CEP85: variants seen among roughly 807,000 people sequenced by gnomAD.
CEP85 encodes the protein centrosomal protein of 85 kDa.
CEP85 carries 58 observed loss-of-function variants against 93.7 expected under a neutral mutation model. The ratio of observed to expected loss-of-function variants is 0.62; its 90% CI spans 0.50 to 0.77. The LOEUF (loss-of-function observed/expected upper bound fraction) is 0.77, where lower values mean the gene tolerates loss of function less well. Among genes scored for constraint, CEP85 ranks in the 30% least tolerant of loss-of-function variants. The probability of loss-of-function intolerance (pLI) is 0.00; values close to 1 mark genes in which losing one functional copy is unlikely to be tolerated. For missense variants in CEP85, 868 were observed against 922.0 expected (o/e 0.94, Z 0.76); for synonymous variants, 314 against 338.6 (o/e 0.93, Z 0.80).
chr1:26,252,735 G>A (rs1172616747), intron 3 of CEP85, among the ~76,000 whole-genome samples: 1 of 152,112 alleles, frequency 6.6e-6, no homozygotes, highest in East Asian at 1.9e-4. Context: ...TTTGTTACGT[G>A]TGTGTGTGTT....
chr1:26,243,311 GTCTTGGTTGA>G (rs149847106), intron 2 of CEP85, among the ~76,000 whole-genome samples: 22,340 of 151,834 alleles, frequency 0.15, 1,848 homozygotes, highest in African/African-American at 0.21. Flanking sequence ...AGTGATGGTG[GTCTTGGTTGA>G]GGGTTGCTGC....
intron 1 of CEP85, among the ~76,000 whole-genome samples, chr1:26,237,916 T>C (rs1358838751): frequency 3.3e-5 from 5 of 152,194 alleles, no homozygotes; most frequent in Non-Finnish European, 5.9e-5. Flanking sequence ...TGTCATCATT[T>C]AACTCACTGA....
chr1:26,268,385 G>T, intron 7 of CEP85, 98 bp from the exon 8 acceptor site: 1 of 1,373,588 alleles, frequency 7.3e-7, no homozygotes, highest in Non-Finnish European at 1.0e-6. Flanking sequence ...TTGAGCCTGG[G>T]AGGTGGAGGC....
At chr1:26,249,728 A>G (rs2089573718) in intron 3 of CEP85, among the ~76,000 whole-genome samples, 1 of 152,210 alleles carries the variant, frequency 6.6e-6, no homozygotes, top group Non-Finnish European at 1.5e-5. Flanking sequence ...TTGCTCAAAA[A>G]TGAGTTGTTT....
intron 7 of CEP85, among the ~76,000 whole-genome samples, chr1:26,265,853 G>A (rs1045586187): frequency 2.6e-5 from 4 of 152,052 alleles, no homozygotes; most frequent in Non-Finnish European, 5.9e-5. Flanking sequence ...GGCCAAGGCA[G>A]GAGAATTGCT....
At chr1:26,266,293 G>A (rs2089894571) in intron 7 of CEP85, among the ~76,000 whole-genome samples, 1 of 152,108 alleles carries the variant, frequency 6.6e-6, no homozygotes, top group African/African-American at 2.4e-5. Context: ...AGGCTGAGGT[G>A]GGAGCATCAC....
At chr1:26,254,254 T>C (rs2089662141) in intron 3 of CEP85, among the ~76,000 whole-genome samples, 1 of 152,328 alleles carries the variant, frequency 6.6e-6, no homozygotes, top group Middle Eastern at 3.4e-3. Context: ...GCAATAAGTA[T>C]GTTACCTCAC....
chr1:26,237,478 A>ACTTT (rs1021860006), intron 1 of CEP85, among the ~76,000 whole-genome samples: 37 of 152,030 alleles, frequency 2.4e-4, no homozygotes, highest in African/African-American at 8.0e-4. Context: ...GGCTTCTTTG[A>ACTTT]CTTTGCATGT....
chr1:26,264,449 C>T (rs1449550605), intron 7 of CEP85, among the ~76,000 whole-genome samples: 1 of 152,128 alleles, frequency 6.6e-6, no homozygotes, highest in African/African-American at 2.4e-5. Context: ...AGGAGAATCG[C>T]TTGAACCTGG....
Position 26,255,161 on chromosome 1 carries a change from C to G in CEP85, c.209-10C>G, listed in dbSNP as rs769645420. 1 of 1,609,048 alleles carries G rather than the reference C, an allele frequency of 6.2e-7. No homozygotes were observed. The highest frequency in any genetic ancestry group is 8.5e-7 in the Non-Finnish European group (1 of 1,176,348). Reference sequence around the variant, plus strand: ...CAATTTTTACTTATGGAAGACTATTCTCTCCCCAGATTTTTGCAGCTCAAG... The same window carrying G: ...CAATTTTTACTTATGGAAGACTATTGTCTCCCCAGATTTTTGCAGCTCAAG... On this transcript the variant is annotated splice_polypyrimidine_tract_variant and intron_variant, in intron 3 of 13. Transcript: ENST00000451429.
At chr1:26,266,700 A>T (rs985242149) in intron 7 of CEP85, among the ~76,000 whole-genome samples, 18 of 152,254 alleles carry the variant, frequency 1.2e-4, no homozygotes, top group Admixed American at 8.5e-4. Context: ...GACATTTAGT[A>T]GATCTGCATC....
chr1:26,235,123 A>G (rs2089304889), intron 1 of CEP85, among the ~76,000 whole-genome samples: 1 of 152,220 alleles, frequency 6.6e-6, no homozygotes, highest in African/African-American at 2.4e-5. Context: ...AGTATATTCA[A>G]CGCTTACTTC....
At chr1:26,274,693 G>T (rs932126337) in intron 11 of CEP85, among the ~76,000 whole-genome samples, 6 of 152,252 alleles carry the variant, frequency 3.9e-5, no homozygotes, top group African/African-American at 1.4e-4. Flanking sequence ...TGGCCATGTG[G>T]AGGGTGGAAA....
intron 4 of CEP85, among the ~76,000 whole-genome samples, chr1:26,256,955 G>GTGTGTGTGTGTGTGTGTGT (rs747449589): frequency 1.3e-5 from 2 of 150,234 alleles, no homozygotes; most frequent in Admixed American, 6.6e-5. Flanking sequence ...GTGTGTGTGT[G>GTGTGTGTGTGTGTGTGTGT]TTTTGGAGAC....
At chr1:26,274,133 G>A (rs2090019546) in intron 11 of CEP85, among the ~76,000 whole-genome samples, 1 of 151,926 alleles carries the variant, frequency 6.6e-6, no homozygotes, top group Non-Finnish European at 1.5e-5. Context: ...AGAGGCAGAA[G>A]TTTAAAAGCT....
At chr1:26,269,391 C>T (rs374029156) in intron 8 of CEP85, 69 bp from the exon 9 acceptor site, 157 of 1,491,194 alleles carry the variant, frequency 1.1e-4, no homozygotes, top group Admixed American at 4.3e-4. Flanking sequence ...TTTGTGACAC[C>T]GAGGAACAAG....
In CEP85 at chr1:26,255,399, G is replaced by A. The variant is rs139993986; in HGVS notation, c.437G>A (p.Arg146Lys). 3.2e-5 allele frequency: 52 copies of A among 1,614,014 alleles called. 1 individual carries two copies. The highest frequency in any genetic ancestry group is 4.2e-5 in the Non-Finnish European group (50 of 1,180,034). The change falls in exon 4 of 14, where the codon AGA becomes AAA. Residue 146 changes from arginine to lysine, a missense_variant. Arg to Lys is a conservative substitution (Grantham distance 26). Coordinates refer to ENST00000451429, the MANE Select transcript of CEP85 (RefSeq NM_001319944.2). ...ATGAAACATTCTCCAGGCCTATCTA[G>A]AGATCTCATGTATTTCTCTGGTGCT... ...GAMKHSPGLSRDLMYFSGATG... is the reference protein window; with the variant it reads ...GAMKHSPGLSKDLMYFSGATG...
At chr1:26,253,453 G>A (rs572429082) in intron 3 of CEP85, among the ~76,000 whole-genome samples, 7 of 149,572 alleles carry the variant, frequency 4.7e-5, no homozygotes, top group African/African-American at 7.4e-5. Context: ...GCAGTAGTGC[G>A]ATCCTGGCTC....
Position 26,278,753 on chromosome 1 carries a change from A to G in CEP85, c.*1460A>G, listed in dbSNP as rs1252610722. 8.5e-5 allele frequency: 13 copies of G among 152,654 alleles called. No individual in the cohort carries two copies. In the East Asian group the frequency reaches 2.5e-3, roughly 29 times the overall value. The allele number at this position is 152,654 out of a possible 1,614,324, so 9.5% of individuals were successfully genotyped here. A position where few individuals can be genotyped will look rare whatever the true frequency, so the allele number is the denominator to read the frequency against. ...CCAGTTATTTATATGAATCTTTGTT[A>G]TGTCCATTTGTTTGTATTGCGTATT... On this transcript the variant is annotated 3_prime_UTR_variant, in exon 14 of 14. Transcript: ENST00000451429.
Sources: gnomAD v4.1 joint callset for allele counts (sites outside exome capture counted in the v4.1 genomes callset) on GRCh38, gnomAD v4.1.1 for gene constraint, MANE v1.5 for transcripts, NCBI Gene and HGNC (gene_info 2026-07-23, HGNC 2026-07-21) for gene names.